The following DISC1 variants were observed in gnomAD, a reference collection of about 807,000 sequenced individuals.
DISC1 encodes the protein disrupted in schizophrenia 1 protein.
Under a neutral mutation model 84.5 loss-of-function variants are expected in DISC1, and 57 were observed. The observed-to-expected ratio is 0.67, with a 90% CI of 0.55 to 0.84. DISC1 has a LOEUF of 0.84. Among genes scored for constraint, DISC1 ranks in the 40% least tolerant of loss-of-function variants. The pLI is 0.00. For synonymous variants in DISC1, 411 were observed against 415.2 expected, an observed-to-expected ratio of 0.99 and a Z score of 0.12; for missense variants, 1,000 against 1,057.8, an observed-to-expected ratio of 0.95 and a Z score of 0.76.
intron 4 of DISC1, among the ~76,000 whole-genome samples, chr1:231,759,542 A>AC (rs1220397089): frequency 8.7e-5 from 13 of 150,286 alleles, no homozygotes; most frequent in East Asian, 3.9e-4. Flanking sequence ...AAAAAAAAAA[A>AC]AAAAAAAAAC....
intron 9 of DISC1, chr1:231,941,173 A>G (rs143959143): frequency 4.6e-4 from 70 of 152,322 alleles, no homozygotes; most frequent in African/African-American, 1.7e-3. Flanking sequence ...GCTGCTCTGC[A>G]TGCCTGCAAT....
intron 10 of DISC1, among the ~76,000 whole-genome samples, chr1:231,990,490 T>A (rs767396686): frequency 6.6e-6 from 1 of 151,990 alleles, no homozygotes; most frequent in Non-Finnish European, 1.5e-5. Flanking sequence ...ATAGGAAACA[T>A]ATGTGATTGT....
chr1:231,894,589 A>G (rs995599175), intron 9 of DISC1, among the ~76,000 whole-genome samples: 1 of 152,076 alleles, frequency 6.6e-6, no homozygotes, highest in Admixed American at 6.6e-5. Flanking sequence ...TCTAATTTAA[A>G]AAGTTTTGTT....
chr1:231,964,747 T>C (rs1372535964), intron 10 of DISC1, among the ~76,000 whole-genome samples: 1 of 152,200 alleles, frequency 6.6e-6, no homozygotes, highest in Non-Finnish European at 1.5e-5. Context: ...CATTTTACAA[T>C]AGGAAAACAG....
At chr1:231,791,939 A>C (rs927734476) in intron 6 of DISC1, among the ~76,000 whole-genome samples, 1 of 152,174 alleles carries the variant, frequency 6.6e-6, no homozygotes, top group Admixed American at 6.5e-5. Context: ...CCCCACTTCA[A>C]TAAAAGCAGA....
chr1:231,946,802 TA>T lies in DISC1; in HGVS notation c.1982-12025del, dbSNP rs1377838293. Reference sequence around the variant, plus strand: ...TGTGCAAAAATCACAAGCATTCCCATACACCAATAACAGACAAACAGAGACC... The same window carrying T: ...TGTGCAAAAATCACAAGCATTCCCATCACCAATAACAGACAAACAGAGACC... On this transcript the variant is annotated intron_variant, in intron 9 of 12. Transcript: ENST00000439617. 2.6e-5 allele frequency among the ~76,000 whole-genome samples: 4 copies of T among 152,280 alleles called. No individual in the cohort carries two copies. The East Asian group carries it at 7.7e-4, about 29-fold the overall frequency.
intron 3 of DISC1, among the ~76,000 whole-genome samples, chr1:231,726,293 T>G (rs575746369): frequency 6.6e-6 from 1 of 152,306 alleles, no homozygotes; most frequent in South Asian, 2.1e-4. Flanking sequence ...ACAGTGGGCT[T>G]CCTAATACCA....
chr1:231,921,561 A>AATT (rs10667755), intron 9 of DISC1, among the ~76,000 whole-genome samples: 135,886 of 151,978 alleles, frequency 0.89, 61,037 homozygotes, highest in East Asian at 1. Flanking sequence ...TAATATGTGA[A>AATT]ATGATTGGAT....
At chr1:231,806,503 C>T (rs1392669646) in intron 8 of DISC1, among the ~76,000 whole-genome samples, 3 of 152,154 alleles carry the variant, frequency 2.0e-5, no homozygotes, top group Non-Finnish European at 4.4e-5. Flanking sequence ...TAACCTGGGC[C>T]CTGGAGGTCT....
At chr1:231,892,014 G>A (rs1003443285) in intron 9 of DISC1, among the ~76,000 whole-genome samples, 2 of 152,134 alleles carry the variant, frequency 1.3e-5, no homozygotes, top group Non-Finnish European at 2.9e-5. Context: ...TCTGGCTGGA[G>A]GTTCCGAATA....
chr1:231,881,140 G>A (rs1239986702), intron 9 of DISC1, among the ~76,000 whole-genome samples: 1 of 152,180 alleles, frequency 6.6e-6, no homozygotes, highest in Non-Finnish European at 1.5e-5. Context: ...CATGCTGTGG[G>A]CAAGAGAAGA....
intron 3 of DISC1, among the ~76,000 whole-genome samples, chr1:231,738,088 A>T (rs1383478266): frequency 1.4e-5 from 2 of 146,128 alleles, no homozygotes; most frequent in Non-Finnish European, 3.0e-5. Context: ...AGCTCAAGCA[A>T]TCCTCCCACC....
chr1:231,909,830 A>G (rs1375484517), intron 9 of DISC1, among the ~76,000 whole-genome samples: 2 of 152,136 alleles, frequency 1.3e-5, no homozygotes, highest in African/African-American at 4.8e-5. Flanking sequence ...TTGGTAGGCT[A>G]TTAATTATTG....
chr1:231,745,038 T>C (rs1237417674), intron 3 of DISC1, among the ~76,000 whole-genome samples: 3 of 142,588 alleles, frequency 2.1e-5, no homozygotes, highest in Non-Finnish European at 3.0e-5. Flanking sequence ...ATGCAATATG[T>C]AATTAAAATT....
intron 6 of DISC1, among the ~76,000 whole-genome samples, chr1:231,790,891 A>G (rs982715283): frequency 3.3e-5 from 5 of 152,096 alleles, no homozygotes; most frequent in African/African-American, 1.2e-4. Context: ...TTTTAAATTT[A>G]TTACCTATTG....
At chr1:232,013,820 A>T (rs1169004950) in intron 11 of DISC1, among the ~76,000 whole-genome samples, 2 of 152,058 alleles carry the variant, frequency 1.3e-5, no homozygotes, top group Non-Finnish European at 2.9e-5. Flanking sequence ...GAAGAGAGTG[A>T]CCTTTCTAGG....
At chr1:231,992,677 G>A (rs998922799) in intron 10 of DISC1, among the ~76,000 whole-genome samples, 1 of 152,164 alleles carries the variant, frequency 6.6e-6, no homozygotes. Flanking sequence ...GGCATGTTGA[G>A]ACTTACCCTG....
intron 4 of DISC1, among the ~76,000 whole-genome samples, chr1:231,758,563 C>T (rs181435683): frequency 1.2e-3 from 184 of 152,238 alleles, no homozygotes; most frequent in African/African-American, 4.2e-3. Flanking sequence ...TGCCCCACTC[C>T]ATCATTAGAG....
rs567790570 is a variant in DISC1, at chr1:231,933,829, A to G, written c.1982-24999A>G. ...AAATGGAGCAGTTCCCTCATTGGTC[A>G]GAGTTCTGTCATTGGCCCAGCCTCC... On this transcript the variant is annotated intron_variant, in intron 9 of 12. Transcript: ENST00000439617. Among the ~76,000 whole-genome samples the G allele has an allele frequency of 1.1e-3, 160 of 152,314 alleles. 1 individual carries two copies. The highest frequency in any genetic ancestry group is 3.8e-3 in the African/African-American group (159 of 41,578).
Sources: allele counts gnomAD v4.1 joint callset (sites outside exome capture counted in the v4.1 genomes callset), GRCh38; gene constraint gnomAD v4.1.1; transcripts MANE v1.5; gene names NCBI Gene and HGNC (gene_info 2026-07-23, HGNC 2026-07-21).